GBP7: variants seen among roughly 807,000 people sequenced by gnomAD.
GBP7 encodes guanylate-binding protein 7.
A neutral mutation model predicts 61.3 loss-of-function variants in GBP7; 43 were observed. The observed-to-expected ratio is 0.70, with a 90% confidence interval of 0.55 to 0.91. The LOEUF is 0.91. Among genes scored for constraint, GBP7 ranks in the 40% least tolerant of loss-of-function variants. The pLI is 0.00. For missense variants in GBP7, 717 were observed against 740.5 expected, an observed-to-expected ratio of 0.97 and a Z score of 0.37; for synonymous variants, 267 against 271.0, an observed-to-expected ratio of 0.99 and a Z score of 0.14.
chr1:89,163,814 G>A (rs902791215), intron 3 of GBP7, among the ~76,000 whole-genome samples: 6 of 151,392 alleles, frequency 4.0e-5, no homozygotes, highest in African/African-American at 1.5e-4. Context: ...AAATGTTCCC[G>A]GTATAGCTGG....
At position 89,172,998 on chromosome 1, in the gene GBP7, G is replaced by A. The variant is rs371456271; in HGVS notation, c.-19-1044C>T. 3.7e-4 allele frequency among the ~76,000 whole-genome samples: 56 copies of A among 151,884 alleles called. 6 individuals are homozygous for A. Among genetic ancestry groups the A allele is most frequent in the Admixed American group, 9.2e-4 (14 of 15,276 alleles). ...TTTCAATACTTTACTGTCAATATTT[G>A]TTCTGTTACTCAACTTGTCCTAGAT... On this transcript the variant is annotated intron_variant, in intron 1 of 10. Transcript: ENST00000294671.
intron 5 of GBP7, among the ~76,000 whole-genome samples, chr1:89,151,914 T>C (rs539533770): frequency 6.6e-6 from 1 of 152,308 alleles, no homozygotes; most frequent in Admixed American, 6.5e-5. Flanking sequence ...GTTAATTTTC[T>C]CCAAATAGAA....
Position 89,150,712 on chromosome 1 carries a change from A to G in GBP7, c.626-137T>C, listed in dbSNP as rs1349185205. The G allele has an allele frequency of 9.3e-6, 8 of 859,208 alleles. No individual in the cohort carries two copies. In the South Asian group the frequency reaches 1.2e-4, roughly 13 times the overall value. The allele number at this position is 859,208 out of a possible 1,614,324, so 53.2% of individuals were successfully genotyped here. ...TCTACTCTATGTAATCAAACCTCTC[A>G]TGCAACCAAACTTATGCTAATCTAC... On this transcript the variant is annotated intron_variant, in intron 5 of 10. Transcript: ENST00000294671.
intron 2 of GBP7, among the ~76,000 whole-genome samples, chr1:89,168,379 T>C (rs1287349025): frequency 6.6e-6 from 1 of 152,166 alleles, no homozygotes; most frequent in Non-Finnish European, 1.5e-5. Context: ...GAAAATGTCT[T>C]CACTTCCATA....
intron 3 of GBP7, among the ~76,000 whole-genome samples, chr1:89,154,709 A>T (rs1682274299): frequency 6.6e-6 from 1 of 151,472 alleles, no homozygotes; most frequent in East Asian, 1.9e-4. Flanking sequence ...CAAACTAAAT[A>T]AAATAAAATA....
intron 9 of GBP7, among the ~76,000 whole-genome samples, chr1:89,135,302 A>G (rs563731399): frequency 2.1e-4 from 32 of 152,254 alleles, no homozygotes; most frequent in African/African-American, 7.2e-4. Context: ...AATTTCCCCA[A>G]CCTCACTAGA....
At position 89,134,877 on chromosome 1, in the gene GBP7, A is replaced by G. The variant is rs371027141; in HGVS notation, c.1469-1426T>C. On this transcript the variant is annotated intron_variant, in intron 9 of 10. Coordinates refer to ENST00000294671, the MANE Select transcript of GBP7 (RefSeq NM_207398.3). ...GGCTGAAATAGTAGATATGGAATTC[A>G]GAATCTGGATGGCAATGAAGATTAT... 3.7e-4 allele frequency among the ~76,000 whole-genome samples: 57 copies of G among 152,336 alleles called. 6 individuals carry two copies. The highest frequency in any genetic ancestry group is 9.1e-4 in the Admixed American group (14 of 15,302).
intron 9 of GBP7, among the ~76,000 whole-genome samples, chr1:89,139,604 A>G (rs1387816952): frequency 4.6e-5 from 7 of 152,198 alleles, no homozygotes; most frequent in Non-Finnish European, 7.4e-5. Flanking sequence ...CACAAGAAAA[A>G]AACAACCCCA....
At chr1:89,156,930 C>T (rs903983783) in intron 3 of GBP7, among the ~76,000 whole-genome samples, 1 of 152,178 alleles carries the variant, frequency 6.6e-6, no homozygotes, top group African/African-American at 2.4e-5. Flanking sequence ...CGCACTTATT[C>T]CAAAATGGAC....
intron 3 of GBP7, among the ~76,000 whole-genome samples, chr1:89,154,847 A>G (rs140548236): frequency 0.043 from 6,492 of 152,216 alleles, 445 homozygotes; most frequent in African/African-American, 0.15. Flanking sequence ...CTTTGAGGAG[A>G]GTAGTGGTTC....
At chr1:89,146,836 G>A (rs1451869955) in intron 8 of GBP7, among the ~76,000 whole-genome samples, 1 of 152,178 alleles carries the variant, frequency 6.6e-6, no homozygotes, top group Non-Finnish European at 1.5e-5. Flanking sequence ...GACACCGTTG[G>A]GAGGAAATTA....
chr1:89,166,232 G>T (rs1333362991), intron 2 of GBP7, among the ~76,000 whole-genome samples: 1 of 152,170 alleles, frequency 6.6e-6, no homozygotes, highest in African/African-American at 2.4e-5. Flanking sequence ...CGGGTACTGG[G>T]TTCATCTTCA....
chr1:89,171,110 A>G (rs780674664), intron 2 of GBP7, among the ~76,000 whole-genome samples: 2 of 152,210 alleles, frequency 1.3e-5, no homozygotes, highest in Non-Finnish European at 2.9e-5. Context: ...TTATTCCTGA[A>G]TATATTCATT....
At chr1:89,133,682 C>T in intron 9 of GBP7, among the ~76,000 whole-genome samples, 1 of 152,132 alleles carries the variant, frequency 6.6e-6, no homozygotes, top group Non-Finnish European at 1.5e-5. Context: ...GCACAGGTTG[C>T]CAAGCACCAA....
rs540619760 is a variant in GBP7, at chr1:89,163,827, G to C, written c.318+904C>G. Among the ~76,000 whole-genome samples the C allele has an allele frequency of 7.9e-5, 12 of 151,342 alleles. No homozygotes were observed. In the South Asian group the frequency reaches 2.5e-3, roughly 32 times the overall value. ...ATAAATGTTCCCGGTATAGCTGGTG[G>C]TTTTCTTTTCTTTTTCTTTCTTTTT... On this transcript the variant is annotated intron_variant, in intron 3 of 10. Transcript: ENST00000294671.
intron 9 of GBP7, among the ~76,000 whole-genome samples, chr1:89,137,164 A>G (rs1483933034): frequency 6.6e-6 from 1 of 151,982 alleles, no homozygotes; most frequent in African/African-American, 2.4e-5. Flanking sequence ...CAGCATTAAA[A>G]AGCCTACCAA....
chr1:89,138,832 G>A (rs1374885051), intron 9 of GBP7, among the ~76,000 whole-genome samples: 1 of 152,032 alleles, frequency 6.6e-6, no homozygotes, highest in Admixed American at 6.6e-5. Context: ...TAACAAGAGG[G>A]ACCTAATTCA....
intron 3 of GBP7, among the ~76,000 whole-genome samples, chr1:89,156,173 A>C (rs1413380292): frequency 6.6e-6 from 1 of 152,248 alleles, no homozygotes; most frequent in African/African-American, 2.4e-5. Flanking sequence ...TGTCACCACC[A>C]GGCCTGCCTT....
intron 4 of GBP7, 98 bp from the exon 5 acceptor site, chr1:89,152,562 C>T: frequency 6.7e-7 from 1 of 1,498,588 alleles, no homozygotes; most frequent in East Asian, 2.3e-5. Flanking sequence ...CACTGTTTCT[C>T]TTCTTACTCA....
Sources: allele counts gnomAD v4.1 joint callset (sites outside exome capture counted in the v4.1 genomes callset), GRCh38; gene constraint gnomAD v4.1.1; transcripts MANE v1.5; gene names NCBI Gene and HGNC (gene_info 2026-07-23, HGNC 2026-07-21).